Variants in POLQ observed in about 807,000 individuals in gnomAD.
POLQ encodes the protein DNA polymerase theta, also known as epididymis secretory sperm binding protein.
A neutral mutation model predicts 259.2 loss-of-function variants in POLQ; 233 were observed. The observed-to-expected ratio is 0.90, with a 90% CI of 0.81 to 1.00. The LOEUF is 1.00. Ranked by LOEUF, POLQ falls within the 50% of genes least tolerant of loss-of-function variation. POLQ has a pLI of 0.00. For missense variants in POLQ, 2,871 were observed against 3,051.6 expected (o/e 0.94, Z 1.39); for synonymous variants, 1,025 against 1,048.8 (o/e 0.98, Z 0.44).
chr3:121,485,092 C>G lies in POLQ; in HGVS notation c.5722G>C (p.Gly1908Arg). Residue 1908 changes from glycine to arginine, a missense_variant, in exon 17 of 30, where the codon GGT (glycine) becomes CGT (arginine). By Grantham distance (125) the Gly-to-Arg change is moderately radical (BLOSUM62 -2). Around this residue, in one of 3 missense-constraint regions of POLQ, gnomAD observed 2,080 missense variants for 2,126.0 expected, o/e 0.98. Transcript: ENST00000264233. ...GAAAAATAATAGGCATCCCTTCCAC[C>G]CCAGCATACTGCCAGTCCAACCACC... ...TLVVGLAVCW[G>R]GRDAYYFSLQ... 2 of 1,613,084 alleles carry G rather than the reference C, an allele frequency of 1.2e-6. No homozygotes were observed. Among genetic ancestry groups the G allele is most frequent in the Non-Finnish European group, 1.7e-6 (2 of 1,179,410 alleles).
chr3:121,471,264 G>T (rs1294306666), intron 22 of POLQ, among the ~76,000 whole-genome samples: 3 of 151,984 alleles, frequency 2.0e-5, no homozygotes, highest in African/African-American at 7.2e-5. Flanking sequence ...GGTAAAATAA[G>T]ACACTTACTT....
At position 121,481,731 on chromosome 3, in the gene POLQ, G is replaced by A; in HGVS notation, c.6052C>T (p.Pro2018Ser). ...CTGGTCTCCATCCCTTCTAGGAGTG[G>A]AAGCTCATGAGGAAGAAAACTGGTA... is the stretch of plus-strand genomic sequence containing the variant. The part of the protein sequence containing the change: ...IVTSFLPHEL[P>S]LLEGMETSQG... Residue 2018 changes from proline to serine, a missense_variant, in exon 19 of 30, where the codon CCA becomes TCA. Coordinates refer to ENST00000264233, the MANE Select transcript of POLQ (RefSeq NM_199420.4). The A allele has an allele frequency of 6.2e-7, 1 of 1,614,050 alleles. No homozygotes were observed.
At chr3:121,515,940 C>T (rs1051762077) in intron 9 of POLQ, among the ~76,000 whole-genome samples, 4 of 151,658 alleles carry the variant, frequency 2.6e-5, no homozygotes, top group African/African-American at 9.7e-5. Context: ...ATTTGGAAAA[C>T]AATATACAAA....
At chr3:121,516,511 T>C (rs1323882610) in intron 9 of POLQ, among the ~76,000 whole-genome samples, 1 of 152,126 alleles carries the variant, frequency 6.6e-6, no homozygotes, top group Non-Finnish European at 1.5e-5. Flanking sequence ...TGAACATCAG[T>C]ATATATGTAC....
At chr3:121,455,921 G>GAC (rs200566123) in intron 25 of POLQ, among the ~76,000 whole-genome samples, 104,876 of 151,734 alleles carry the variant, frequency 0.69, 36,411 homozygotes, top group East Asian at 0.89. Context: ...GCCTGGCAGA[G>GAC]ACAACCAAAA....
chr3:121,507,654 G>T (rs1426301928), intron 12 of POLQ, among the ~76,000 whole-genome samples: 1 of 152,138 alleles, frequency 6.6e-6, no homozygotes. Flanking sequence ...TTGAACCTGG[G>T]AGGCAGAGGT....
chr3:121,523,049 T>G (rs1460857737), intron 7 of POLQ, among the ~76,000 whole-genome samples: 1 of 152,212 alleles, frequency 6.6e-6, no homozygotes, highest in African/African-American at 2.4e-5. Context: ...AGGGTCTCAC[T>G]CTGTCACCCA....
At chr3:121,515,646 GT>G (rs1253494370) in intron 9 of POLQ, among the ~76,000 whole-genome samples, 1 of 152,228 alleles carries the variant, frequency 6.6e-6, no homozygotes, top group African/African-American at 2.4e-5. Context: ...GCTGCTGCCA[GT>G]TGGCCTATTC....
In POLQ at chr3:121,542,060, T is replaced by C. The variant is rs187638702; in HGVS notation, c.344-581A>G. 4.2e-3 allele frequency among the ~76,000 whole-genome samples: 627 copies of C among 150,682 alleles called. 4 individuals are homozygous for C. Among genetic ancestry groups the C allele is most frequent in the African/African-American group, 0.015 (597 of 40,972 alleles). On this transcript the variant is annotated intron_variant, in intron 2 of 29. Coordinates refer to ENST00000264233, the MANE Select transcript of POLQ (RefSeq NM_199420.4). ...CTGAGGCACAAGAATTGCTTGATCC[T>C]GGGAGGCAGAGGTTGCAGTGAGCCG...
intron 9 of POLQ, among the ~76,000 whole-genome samples, chr3:121,518,438 G>T (rs769179489): frequency 9.9e-5 from 15 of 152,152 alleles, no homozygotes; most frequent in African/African-American, 3.6e-4. Flanking sequence ...GCTTTGGCTT[G>T]TTCAACCACA....
In POLQ at chr3:121,490,219, T is replaced by C. The variant is rs2048055849; in HGVS notation, c.2712A>G (p.Leu904=). 5 of 1,614,142 alleles carry C rather than the reference T, an allele frequency of 3.1e-6. No homozygotes were observed. Among genetic ancestry groups the C allele is most frequent in the Non-Finnish European group, 4.2e-6 (5 of 1,179,972 alleles). The change falls in exon 16 of 30, where the codon TTA becomes TTG. Residue 904 remains leucine (L), a synonymous_variant. Transcript: ENST00000264233. ...GAGTCAATGAGCATGTACTAGAATG[T>C]AACAGGGCACATGGATTCCATTGCA... is the stretch of plus-strand genomic sequence containing the variant. The part of the protein sequence containing the change: ...MGVQWNPCAL[L]HSSTCSLTHS...
rs575330984 is a variant in POLQ at position 121,461,406 on chromosome 3, A to T, written c.6968-1172T>A. 2.6e-5 allele frequency among the ~76,000 whole-genome samples: 4 copies of T among 152,280 alleles called. No individual in the cohort carries two copies. In the East Asian group the frequency reaches 7.7e-4, roughly 29 times the overall value. The stretch of plus-strand genomic sequence containing the variant: ...AGTGTCTCATGCCTGTAATCCTAGC[A>T]CTTTGGGAGGCCAAGGCAGGCAGAT... On this transcript the variant is annotated intron_variant, in intron 24 of 29. Coordinates refer to ENST00000264233, the MANE Select transcript of POLQ (RefSeq NM_199420.4).
chr3:121,498,317 A>T (rs76023468), intron 13 of POLQ, among the ~76,000 whole-genome samples, 160 bp downstream of exon 13: 3 of 147,046 alleles, frequency 2.0e-5, no homozygotes, highest in Non-Finnish European at 3.0e-5. Flanking sequence ...TTTCAAAATT[A>T]AAAAAAAAAA....
At chr3:121,477,225 C>T (rs1282069416) in intron 19 of POLQ, among the ~76,000 whole-genome samples, 1 of 152,168 alleles carries the variant, frequency 6.6e-6, no homozygotes, top group Non-Finnish European at 1.5e-5. Context: ...CTCCTTGCCC[C>T]ATTCAGCTTC....
chr3:121,487,572 G>A lies in POLQ; in HGVS notation c.5359C>T (p.Pro1787Ser), dbSNP rs930576574. 1.9e-6 allele frequency: 3 copies of A among 1,613,878 alleles called. No homozygotes were observed. Among genetic ancestry groups the A allele is most frequent in the Non-Finnish European group, 2.5e-6 (3 of 1,179,952 alleles). The change falls in exon 16 of 30, where the codon CCA becomes TCA. Residue 1787 changes from proline (P) to serine (S), a missense_variant. By Grantham distance (74) the Pro-to-Ser change is moderately conservative (BLOSUM62 -1). Transcript: ENST00000264233. Reference protein sequence around the residue: ...PSDIKNHDLSPGSRNGFKDNS... With the variant: ...PSDIKNHDLSSGSRNGFKDNS... ...TCTTTGAACCCATTTCTACTCCCTG[G>A]ACTTAAATCGTGGTTTTTAATATCT...
At chr3:121,542,856 G>T (rs1404731746) in intron 2 of POLQ, among the ~76,000 whole-genome samples, 2 of 151,908 alleles carry the variant, frequency 1.3e-5, no homozygotes, top group Non-Finnish European at 2.9e-5. Flanking sequence ...GGTGGCGGGC[G>T]CCTGTATGTA....
intron 5 of POLQ, among the ~76,000 whole-genome samples, chr3:121,534,884 T>G (rs1439745653): frequency 6.6e-6 from 1 of 152,236 alleles, no homozygotes; most frequent in African/African-American, 2.4e-5. Context: ...GCTTTTCTTA[T>G]AGCTAAATTC....
intron 20 of POLQ, among the ~76,000 whole-genome samples, chr3:121,475,010 T>C (rs567289687): frequency 2.0e-5 from 3 of 152,200 alleles, no homozygotes; most frequent in Admixed American, 6.5e-5. Context: ...TATCATTTTT[T>C]ATGGTAAGAC....
Position 121,519,894 on chromosome 3 carries a change from C to A in POLQ, c.1445G>T (p.Gly482Val). Residue 482 changes from glycine to valine, a missense_variant, in exon 9 of 30, where the codon GGC becomes GTC. Gly to Val is a moderately radical substitution (Grantham distance 109, BLOSUM62 -3). Coordinates refer to ENST00000264233, the MANE Select transcript of POLQ (RefSeq NM_199420.4). ...LTYKQMVGRA[G>V]RKGVDTVGES... ...ACCTACTGTGTCCACTCCTTTCCTG[C>A]CAGCACGGCCAACCATCTGCTTATA... 6.3e-7 allele frequency: 1 copy of A among 1,596,778 alleles called. No individual in the cohort carries two copies. Among genetic ancestry groups the A allele is most frequent in the Non-Finnish European group, 8.6e-7 (1 of 1,164,284 alleles).
Sources: allele counts gnomAD v4.1 joint callset (sites outside exome capture counted in the v4.1 genomes callset), GRCh38; gene constraint gnomAD v4.1.1; regional missense constraint gnomAD v4.1.1; transcripts MANE v1.5; gene names NCBI Gene and HGNC (gene_info 2026-07-23, HGNC 2026-07-21).